The following SF3A3 variants were observed in gnomAD, a reference collection of about 807,000 sequenced individuals.
The protein encoded by SF3A3 is splicing factor 3a subunit 3, also known as SAP 61.
In SF3A3, 9 loss-of-function variants were observed where a neutral mutation model predicts 85.8. That is an observed-to-expected ratio of 0.10 (90% CI 0.06 to 0.18). The LOEUF is 0.18. Ranked by LOEUF, SF3A3 falls within the 10% of genes least tolerant of loss-of-function variation. The probability of loss-of-function intolerance (pLI) is 1.00; values close to 1 mark genes in which losing one functional copy is unlikely to be tolerated. For missense variants in SF3A3, 306 were observed against 593.3 expected (o/e 0.52, Z 5.03); for synonymous variants, 195 against 204.4 (o/e 0.95, Z 0.39).
intron 15 of SF3A3, among the ~76,000 whole-genome samples, chr1:37,964,157 G>A (rs1293894288): frequency 2.0e-5 from 3 of 148,574 alleles, no homozygotes; most frequent in East Asian, 2.2e-4. Flanking sequence ...CCAGCCTGGC[G>A]ACAGTGCGAG....
chr1:37,960,279 T>C, intron 15 of SF3A3, 104 bp from the exon 16 acceptor site: 1 of 1,084,416 alleles, frequency 9.2e-7, no homozygotes, highest in Non-Finnish European at 1.4e-6. Context: ...CCTAGAAGAC[T>C]CTGCCTTTGA....
rs537173748 is a variant in SF3A3, at chr1:37,977,565, G to A, written c.936-612C>T. ...AAAAATACAAAAATTAGCTGGGCAC[G>A]GTGGCTCACATGCCTGTAATCCCAC... On this transcript the variant is annotated intron_variant, in intron 11 of 16. Transcript: ENST00000373019. Among the ~76,000 whole-genome samples the A allele has an allele frequency of 3.5e-3, 528 of 152,132 alleles. 3 individuals are homozygous for A. Among genetic ancestry groups the A allele is most frequent in the Non-Finnish European group, 5.8e-3 (395 of 67,978 alleles).
chr1:37,976,796 CCTAATGAAAAAGTA>C (rs1646382422), intron 12 of SF3A3, 74 bp downstream of exon 12: 1 of 860,788 alleles, frequency 1.2e-6, no homozygotes, highest in African/African-American at 1.7e-5. Context: ...CTCTTTTGAA[CCTAATGAAAAAGTA>C]TCTTCTGTGA....
intron 4 of SF3A3, among the ~76,000 whole-genome samples, chr1:37,985,621 A>T (rs1646451034): frequency 6.6e-6 from 1 of 152,190 alleles, no homozygotes; most frequent in Admixed American, 6.5e-5. Context: ...CTTGCGTCTG[A>T]CATTTAGTAT....
In SF3A3 at chr1:37,987,567, A is replaced by C; in HGVS notation, c.303+6T>G. 6.3e-7 allele frequency: 1 copy of C among 1,595,124 alleles called. No homozygotes were observed. The highest frequency in any genetic ancestry group is 1.1e-5 in the South Asian group (1 of 90,724). ...GTCTGGAGAAAATACTTTTCTGAGG[A>C]CATACCTCATTTGGGTGCTTCCGGT... is the stretch of plus-strand genomic sequence containing the variant. On this transcript the variant is annotated splice_donor_region_variant and intron_variant, in intron 4 of 16. Transcript: ENST00000373019.
chr1:37,970,321 A>T (rs1248348172), intron 12 of SF3A3, among the ~76,000 whole-genome samples: 10 of 150,854 alleles, frequency 6.6e-5, no homozygotes, highest in East Asian at 6.0e-4. Flanking sequence ...AAAAAAAAAA[A>T]ATATGCACAC....
In SF3A3 at chr1:37,957,377, C is replaced by A. The variant is rs1475482743; in HGVS notation, c.*809G>T. The A allele has an allele frequency of 1.9e-4, 10 of 53,970 alleles. No individual in the cohort carries two copies. Among genetic ancestry groups the A allele is most frequent in the African/African-American group, 2.3e-4 (2 of 8,554 alleles). The allele number at this position is 53,970 out of a possible 1,614,324, so 3.3% of individuals were successfully genotyped here. A position where few individuals can be genotyped will look rare whatever the true frequency, so the allele number is the denominator to read the frequency against. Reference sequence around the variant, plus strand: ...GGCCCATTCCAACACAGCCCAACTCCCCCCCCCCCCCCTTTTTTTTTTTTT... The same window carrying A: ...GGCCCATTCCAACACAGCCCAACTCACCCCCCCCCCCCTTTTTTTTTTTTT... On this transcript the variant is annotated 3_prime_UTR_variant, in exon 17 of 17. Coordinates refer to ENST00000373019, the MANE Select transcript of SF3A3 (RefSeq NM_006802.4).
intron 2 of SF3A3, among the ~76,000 whole-genome samples, chr1:37,988,732 C>T (rs1646471883): frequency 6.6e-6 from 1 of 152,118 alleles, no homozygotes; most frequent in South Asian, 2.1e-4. Flanking sequence ...TTATTCATCA[C>T]CCAGTTTAAA....
chr1:37,979,628 G>C, intron 8 of SF3A3, 95 bp from the exon 9 acceptor site: 2 of 831,172 alleles, frequency 2.4e-6, no homozygotes, highest in Non-Finnish European at 3.9e-6. Context: ...GGCCAAGATA[G>C]GTGAATTGCT....
chr1:37,975,040 G>T (rs990659692), intron 12 of SF3A3, among the ~76,000 whole-genome samples: 3 of 152,046 alleles, frequency 2.0e-5, no homozygotes, highest in Non-Finnish European at 4.4e-5. Flanking sequence ...AGGGCAAGAG[G>T]CTGTGTCTTA....
chr1:37,960,323 C>G, intron 15 of SF3A3, 148 bp from the exon 16 acceptor site: 2 of 662,518 alleles, frequency 3.0e-6, no homozygotes, highest in Non-Finnish European at 5.4e-6. Flanking sequence ...AGTTTTGGTT[C>G]TGGACCACCT....
At chr1:37,965,191 T>A (rs552291725) in intron 15 of SF3A3, among the ~76,000 whole-genome samples, 17 of 147,972 alleles carry the variant, frequency 1.1e-4, no homozygotes, top group African/African-American at 4.2e-4. Context: ...TAAAGTTGGG[T>A]GCAGTGCCTC....
chr1:37,979,372 CACA>C, intron 9 of SF3A3, 90 bp downstream of exon 9: 6 of 992,548 alleles, frequency 6.0e-6, no homozygotes, highest in Non-Finnish European at 9.2e-6. Flanking sequence ...AGTGCCTTAT[CACA>C]ACACAACCAT....
chr1:37,971,577 T>C (rs1229980153), intron 12 of SF3A3, among the ~76,000 whole-genome samples: 2 of 152,042 alleles, frequency 1.3e-5, no homozygotes, highest in Non-Finnish European at 2.9e-5. Context: ...TTAGACAATA[T>C]CCCTGATGAA....
chr1:37,970,686 A>C (rs1344262750), intron 12 of SF3A3, among the ~76,000 whole-genome samples: 1 of 152,198 alleles, frequency 6.6e-6, no homozygotes, highest in Non-Finnish European at 1.5e-5. Flanking sequence ...TCAAACTAGA[A>C]CTCAGGATTA....
intron 16 of SF3A3, among the ~76,000 whole-genome samples, 175 bp downstream of exon 16, chr1:37,959,945 G>A (rs980704264): frequency 1.8e-5 from 2 of 110,942 alleles, no homozygotes; most frequent in Non-Finnish European, 3.5e-5. Flanking sequence ...GCAACAGTAC[G>A]AGACTCCGTG....
chr1:37,961,830 C>G (rs1323978077), intron 15 of SF3A3, among the ~76,000 whole-genome samples: 9 of 146,982 alleles, frequency 6.1e-5, no homozygotes, highest in Non-Finnish European at 1.2e-4. Flanking sequence ...GCCTGTAATC[C>G]CAGCACTTTG....
chr1:37,979,744 C>G (rs1358942088), intron 8 of SF3A3, among the ~76,000 whole-genome samples: 1 of 152,170 alleles, frequency 6.6e-6, no homozygotes, highest in Non-Finnish European at 1.5e-5. Context: ...GTGGTCCCAG[C>G]TACTCAGGAG....
chr1:37,971,608 A>G lies in SF3A3; in HGVS notation c.1006-1873T>C, dbSNP rs575097318. On this transcript the variant is annotated intron_variant, in intron 12 of 16. Transcript: ENST00000373019. ...ATGAACATCGATCCAAAAATCCTCA[A>G]TAAAATACTGGCAAACTGAATCCAG... Among the ~76,000 whole-genome samples the G allele has an allele frequency of 1.6e-4, 24 of 152,366 alleles. No homozygotes were observed. The South Asian group carries it at 4.6e-3, about 29-fold the overall frequency.
Sources: allele counts gnomAD v4.1 joint callset (sites outside exome capture counted in the v4.1 genomes callset), GRCh38; gene constraint gnomAD v4.1.1; transcripts MANE v1.5; gene names NCBI Gene and HGNC (gene_info 2026-07-23, HGNC 2026-07-21).